CAPN10: variants seen among roughly 807,000 people sequenced by gnomAD.
CAPN10 encodes calpain-10.
CAPN10 carries 71 observed loss-of-function variants against 78.4 expected under a neutral mutation model. The observed-to-expected ratio is 0.91, with a 90% CI of 0.75 to 1.10. The LOEUF is 1.10. Ranked by LOEUF, CAPN10 falls within the 50% of genes least tolerant of loss-of-function variation. The probability of loss-of-function intolerance (pLI) is 0.00; values close to 1 mark genes in which losing one functional copy is unlikely to be tolerated. For missense variants in CAPN10, 849 were observed against 924.6 expected (o/e 0.92, Z 1.06); for synonymous variants, 437 against 407.2 (o/e 1.07, Z -0.88).
rs1443083906 is a variant in CAPN10, at chr2:240,598,997, G to T, written c.*317G>T. On this transcript the variant is annotated 3_prime_UTR_variant, in exon 12 of 12. Coordinates refer to ENST00000391984, the MANE Select transcript of CAPN10 (RefSeq NM_023083.4). ...GATCCTCTGCTGACTCCATATGGAG[G>T]CCTCACACCCAGAGGGTAGGGCAGC... 1 of 485,768 alleles carries T rather than the reference G, an allele frequency of 2.1e-6. No homozygotes were observed. The highest frequency in any genetic ancestry group is 3.7e-6 in the Non-Finnish European group (1 of 270,508). The allele number at this position is 485,768 out of a possible 1,614,324, so 30.1% of individuals were successfully genotyped here. A position where few individuals can be genotyped will look rare whatever the true frequency, so the allele number is the denominator to read the frequency against.
intron 9 of CAPN10, among the ~76,000 whole-genome samples, chr2:240,597,558 C>T (rs574193258): frequency 6.6e-6 from 1 of 152,158 alleles, no homozygotes. Context: ...CGCTGTTTGC[C>T]CTGGGCCACC....
chr2:240,591,063 A>G, intron 3 of CAPN10, 52 bp downstream of exon 3: 3 of 1,550,032 alleles, frequency 1.9e-6, no homozygotes, highest in East Asian at 4.5e-5. Flanking sequence ...GGGAGCTGCC[A>G]CTACCATGGG....
chr2:240,591,110 G>T (rs1055630432), intron 3 of CAPN10, 99 bp downstream of exon 3: 17 of 1,113,914 alleles, frequency 1.5e-5, no homozygotes, highest in Non-Finnish European at 2.1e-5. Context: ...CTGGGCTGCA[G>T]AGCCCCCTTC....
chr2:240,595,696 G>A (rs910285133), intron 7 of CAPN10, among the ~76,000 whole-genome samples: 1 of 152,220 alleles, frequency 6.6e-6, no homozygotes, highest in Admixed American at 6.5e-5. Flanking sequence ...GTGTGACCTG[G>A]CACACATCCT....
In CAPN10 at chr2:240,586,989, C is replaced by G. The variant is rs930586198; in HGVS notation, c.78C>G (p.Leu26=). Residue 26 remains leucine, a synonymous_variant, in exon 1 of 12, where the codon CTC becomes CTG. Transcript: ENST00000391984. The part of the protein sequence containing the change: ...DAAFPAADSS[L]FCDLSTPLAQ... Reference sequence around the variant, plus strand: ...CCTTCCCCGCCGCGGACTCCTCGCTCTTCTGCGACTTGTCTACGCCGCTGG... The same window carrying G: ...CCTTCCCCGCCGCGGACTCCTCGCTGTTCTGCGACTTGTCTACGCCGCTGG... The G allele has an allele frequency of 1.7e-5, 26 of 1,486,580 alleles. No homozygotes were observed. The highest frequency in any genetic ancestry group is 1.9e-4 in the Middle Eastern group (1 of 5,252). The allele number at this position is 1,486,580 out of a possible 1,614,324, so 92.1% of individuals were successfully genotyped here. A position where few individuals can be genotyped will look rare whatever the true frequency, so the allele number is the denominator to read the frequency against.
intron 10 of CAPN10, 62 bp downstream of exon 10, chr2:240,598,149 G>A: frequency 2.0e-6 from 3 of 1,501,244 alleles, no homozygotes; most frequent in Non-Finnish European, 2.8e-6. Context: ...CTTAGTGCTC[G>A]CCTGTCCCCC....
rs889351424 is a variant in CAPN10, at chr2:240,595,011, G to A, written c.998-13G>A. 8 of 1,612,216 alleles carry A rather than the reference G, an allele frequency of 5.0e-6. No individual in the cohort carries two copies. The highest frequency in any genetic ancestry group is 1.7e-5 in the Admixed American group (1 of 60,004). On this transcript the variant is annotated splice_polypyrimidine_tract_variant and intron_variant, in intron 6 of 11. Transcript: ENST00000391984. ...CCGTGTCCCACAGCTGATGCCTGGT[G>A]TTTTCTCACTAGAGAGGCTGCTCTG...
intron 3 of CAPN10, chr2:240,591,308 G>T (rs2093100608): frequency 5.5e-6 from 2 of 363,630 alleles, no homozygotes; most frequent in Non-Finnish European, 1.0e-5. Flanking sequence ...CAGCAAGAAA[G>T]ATGCTTCTTT....
chr2:240,593,863 C>T, intron 4 of CAPN10, 43 bp from the exon 5 acceptor site: 1 of 1,546,082 alleles, frequency 6.5e-7, no homozygotes. Context: ...TTTGGGACTC[C>T]ATGGTGCCCT....
chr2:240,598,485 C>G, intron 11 of CAPN10, 88 bp downstream of exon 11: 1 of 1,526,816 alleles, frequency 6.5e-7, no homozygotes, highest in Non-Finnish European at 9.1e-7. Flanking sequence ...CAGGTGGTTT[C>G]TGCCTGGGAC....
At chr2:240,591,427 CAG>C (rs1341626734) in intron 3 of CAPN10, 1 of 226,078 alleles carries the variant, frequency 4.4e-6, no homozygotes. Flanking sequence ...CTTGCTGGCT[CAG>C]GGGACCAGGA....
chr2:240,596,817 A>T lies in CAPN10; in HGVS notation c.1618A>T (p.Thr540Ser). The T allele has an allele frequency of 6.2e-7, 1 of 1,612,976 alleles. No homozygotes were observed. The highest frequency in any genetic ancestry group is 1.7e-5 in the Admixed American group (1 of 60,002). Residue 540 changes from threonine (T) to serine (S), a missense_variant, in exon 9 of 12, where the codon ACC becomes TCC. Thr to Ser is a moderately conservative substitution (Grantham distance 58). Transcript: ENST00000391984. ...CAGCAGGAACTTTGCCTCATACCCC[A>T]CCAACCCCTGCTTCCCCTTCTCGGT... ...GGSRNFASYPTNPCFPFSVPE... is the reference protein window; with the variant it reads ...GGSRNFASYPSNPCFPFSVPE...
At position 240,587,017 on chromosome 2, in the gene CAPN10, C is replaced by T; in HGVS notation, c.106C>T (p.Gln36Ter). ...CTGCGACTTGTCTACGCCGCTGGCCCAGTTCCGCGAGGACATCACGTGGAG... is the reference window on the plus strand; with the variant it reads ...CTGCGACTTGTCTACGCCGCTGGCCTAGTTCCGCGAGGACATCACGTGGAG... The part of the protein sequence containing the change: ...LFCDLSTPLA[Q>*]FREDITWRRP... Residue 36 changes from glutamine (Q) to a stop codon, truncating the protein, a stop_gained, in exon 1 of 12, where the codon CAG becomes TAG. Coordinates refer to ENST00000391984, the MANE Select transcript of CAPN10 (RefSeq NM_023083.4). LOFTEE classifies it high-confidence loss of function. 1 of 1,466,772 alleles carries T rather than the reference C, an allele frequency of 6.8e-7. No homozygotes were observed. The highest frequency in any genetic ancestry group is 9.0e-7 in the Non-Finnish European group (1 of 1,105,844). The allele number at this position is 1,466,772 out of a possible 1,614,324, so 90.9% of individuals were successfully genotyped here.
Position 240,597,868 on chromosome 2 carries a change from T to C in CAPN10, c.1744-20T>C. ...TACCCCAAGGCTGGCCCCCTCAGTCTGAGCCTGCGCTTTCCTCAGGTCCCA... is the reference window on the plus strand; with the variant it reads ...TACCCCAAGGCTGGCCCCCTCAGTCCGAGCCTGCGCTTTCCTCAGGTCCCA... On this transcript the variant is annotated intron_variant, in intron 9 of 11. Transcript: ENST00000391984. 1 of 1,569,800 alleles carries C rather than the reference T, an allele frequency of 6.4e-7. No individual in the cohort carries two copies. The highest frequency in any genetic ancestry group is 1.2e-5 in the South Asian group (1 of 86,352).
In CAPN10 at chr2:240,592,006, G is replaced by A. The variant is rs1386141308; in HGVS notation, c.544G>A (p.Ala182Thr). Residue 182 changes from alanine to threonine, a missense_variant, in exon 4 of 12, where the codon GCA (alanine) becomes ACA (threonine). Ala to Thr is a moderately conservative substitution (Grantham distance 58). Coordinates refer to ENST00000391984, the MANE Select transcript of CAPN10 (RefSeq NM_023083.4). ...DALVDLTGGL[A>T]ERWNLKGVAG... is the part of the protein sequence containing the mutation. ...CCTGGTGGACCTGACCGGCGGCCTG[G>A]CAGAAAGATGGAACCTGAAGGGCGT... The A allele has an allele frequency of 1.9e-6, 3 of 1,613,354 alleles. No homozygotes were observed. The Admixed American group carries it at 5.0e-5, about 27-fold the overall frequency.
At chr2:240,594,228 G>C (rs908122924) in intron 5 of CAPN10, 181 bp downstream of exon 5, 1 of 682,636 alleles carries the variant, frequency 1.5e-6, no homozygotes, top group African/African-American at 1.8e-5. Context: ...TGAGGCCTGG[G>C]ACCAAGGTGG....
intron 10 of CAPN10, 44 bp downstream of exon 10, chr2:240,598,131 G>A: frequency 6.4e-7 from 1 of 1,559,726 alleles, no homozygotes; most frequent in South Asian, 1.2e-5. Flanking sequence ...AGGCTGGGGT[G>A]CTGGAGTCTT....
At position 240,596,816 on chromosome 2, in the gene CAPN10, C is replaced by T; in HGVS notation, c.1617C>T (p.Pro539=). 1.9e-6 allele frequency: 3 copies of T among 1,613,370 alleles called. No homozygotes were observed. The highest frequency in any genetic ancestry group is 2.5e-6 in the Non-Finnish European group (3 of 1,180,004). ...GCAGCAGGAACTTTGCCTCATACCC[C>T]ACCAACCCCTGCTTCCCCTTCTCGG... The part of the protein sequence containing the change: ...AGGSRNFASY[P]TNPCFPFSVP... The change falls in exon 9 of 12, where the codon CCC becomes CCT. Residue 539 remains proline (P), a synonymous_variant. Coordinates refer to ENST00000391984, the MANE Select transcript of CAPN10 (RefSeq NM_023083.4).
rs772386584 is a variant in CAPN10 at position 240,596,954 on chromosome 2, G to GC, written c.1743+16dup. On this transcript the variant is annotated intron_variant, in intron 9 of 11. Coordinates refer to ENST00000391984, the MANE Select transcript of CAPN10 (RefSeq NM_023083.4). ...TCCATATCTTCCAGGCAAGCTCCTT[G>GC]CCCCAGGGAGGGAGGGGGAGCAGAA... The GC allele has an allele frequency of 6.2e-7, 1 of 1,613,382 alleles. No individual in the cohort carries two copies.
Sources: allele counts gnomAD v4.1 joint callset (sites outside exome capture counted in the v4.1 genomes callset), GRCh38; gene constraint gnomAD v4.1.1; transcripts MANE v1.5; gene names NCBI Gene and HGNC (gene_info 2026-07-23, HGNC 2026-07-21).